Variants in CAB39 observed in about 807,000 individuals in gnomAD.
CAB39 encodes the protein calcium-binding protein 39.
CAB39 carries 8 observed loss-of-function variants against 40.0 expected under a neutral mutation model. That is an observed-to-expected ratio of 0.20 (90% CI 0.12 to 0.36). CAB39 has a LOEUF of 0.36. Ranked by LOEUF, CAB39 falls within the 10% of genes least tolerant of loss-of-function variation. CAB39 has a pLI of 1.00. For missense variants in CAB39, 270 were observed against 401.1 expected (o/e 0.67, Z 2.79); for synonymous variants, 156 against 141.6 (o/e 1.10, Z -0.72).
intron 1 of CAB39, among the ~76,000 whole-genome samples, chr2:230,728,109 C>T (rs1694619274): frequency 6.6e-6 from 1 of 152,062 alleles, no homozygotes; most frequent in Non-Finnish European, 1.5e-5. Flanking sequence ...TGTGGTGGCG[C>T]ACGCCTGTAG....
chr2:230,782,813 C>CTTTCTTTTTTTTTTTTTTT (rs1286339069), intron 2 of CAB39, among the ~76,000 whole-genome samples: 3 of 81,768 alleles, frequency 3.7e-5, no homozygotes, highest in African/African-American at 1.3e-4. Context: ...TTCTTTCTTT[C>CTTTCTTTTTTTTTTTTTTT]TTTTTTTTTT....
chr2:230,767,030 C>G (rs1052150708), intron 2 of CAB39, among the ~76,000 whole-genome samples: 1 of 152,194 alleles, frequency 6.6e-6, no homozygotes, highest in African/African-American at 2.4e-5. Flanking sequence ...TTCAGAGGTA[C>G]AAGAATTACC....
At chr2:230,725,185 C>G in intron 1 of CAB39, 1 of 1,610,562 alleles carries the variant, frequency 6.2e-7, no homozygotes, top group Non-Finnish European at 8.5e-7. Flanking sequence ...AGTCCCGGGA[C>G]TGCTTGGCGC....
At chr2:230,723,493 T>C (rs1433868757) in intron 1 of CAB39, among the ~76,000 whole-genome samples, 1 of 152,126 alleles carries the variant, frequency 6.6e-6, no homozygotes, top group African/African-American at 2.4e-5. Flanking sequence ...CTGCAGTAGG[T>C]GTGTCTTCAT....
chr2:230,714,161 G>A (rs1052446251), intron 1 of CAB39: 2 of 152,192 alleles, frequency 1.3e-5, no homozygotes, highest in African/African-American at 2.4e-5. Context: ...GGGCTAAAGA[G>A]GTATTTTGGG....
intron 5 of CAB39, among the ~76,000 whole-genome samples, chr2:230,804,052 T>TA (rs1434210912): frequency 6.6e-6 from 1 of 152,068 alleles, no homozygotes; most frequent in Admixed American, 6.5e-5. Context: ...AAAACAGAGA[T>TA]ATAGACCAAT....
rs1190677250 is a variant in CAB39 at position 230,791,024 on chromosome 2, C to T, written c.267C>T (p.Leu89=). 6.3e-7 allele frequency: 1 copy of T among 1,584,780 alleles called. No individual in the cohort carries two copies. The highest frequency in any genetic ancestry group is 8.5e-7 in the Non-Finnish European group (1 of 1,170,438). The change falls in exon 3 of 9, where the codon CTC becomes CTT. Residue 89 remains leucine (L), a synonymous_variant. Coordinates refer to ENST00000258418, the MANE Select transcript of CAB39 (RefSeq NM_016289.4). The part of the protein sequence containing the change: ...LLSTLVADLQ[L]IDFEGKKDVA... ...GCACCCTGGTAGCTGATTTACAGCT[C>T]ATTGACTTTGAGGTAAGAAATCAAT...
intron 1 of CAB39, among the ~76,000 whole-genome samples, chr2:230,753,959 C>T (rs973438410): frequency 6.6e-6 from 1 of 152,114 alleles, no homozygotes; most frequent in Non-Finnish European, 1.5e-5. Flanking sequence ...AACCCACACA[C>T]CCACCAACCA....
At chr2:230,786,908 AATTTG>A (rs1255163708) in intron 2 of CAB39, among the ~76,000 whole-genome samples, 211 of 152,282 alleles carry the variant, frequency 1.4e-3, no homozygotes, top group African/African-American at 4.8e-3. Context: ...TGGGTTACTG[AATTTG>A]CATATGGGAT....
intron 1 of CAB39, among the ~76,000 whole-genome samples, chr2:230,718,946 C>T (rs933193681): frequency 6.6e-6 from 1 of 152,148 alleles, no homozygotes; most frequent in Non-Finnish European, 1.5e-5. Context: ...AATTAAGTAT[C>T]ATACTTTATG....
At chr2:230,752,521 A>T (rs1695109195) in intron 1 of CAB39, among the ~76,000 whole-genome samples, 1 of 152,218 alleles carries the variant, frequency 6.6e-6, no homozygotes, top group Non-Finnish European at 1.5e-5. Flanking sequence ...GGCAGAAGAG[A>T]GCAATCCACT....
intron 6 of CAB39, among the ~76,000 whole-genome samples, chr2:230,812,228 G>A (rs576062323): frequency 6.6e-5 from 10 of 152,294 alleles, no homozygotes; most frequent in African/African-American, 1.9e-4. Flanking sequence ...TCTCCTTGGC[G>A]TTCTTAAAGG....
At chr2:230,759,450 G>T (rs1695251176) in intron 1 of CAB39, among the ~76,000 whole-genome samples, 1 of 152,168 alleles carries the variant, frequency 6.6e-6, no homozygotes, top group African/African-American at 2.4e-5. Flanking sequence ...CTATCAATTT[G>T]ATGTACAGTG....
Position 230,818,533 on chromosome 2 carries a change from T to A in CAB39, c.855T>A (p.Pro285=). The A allele has an allele frequency of 3.1e-6, 5 of 1,614,012 alleles. No individual in the cohort carries two copies. Among genetic ancestry groups the A allele is most frequent in the Non-Finnish European group, 4.2e-6 (5 of 1,179,978 alleles). The change falls in exon 9 of 9, where the codon CCT becomes CCA. Residue 285 remains proline, a synonymous_variant. Coordinates refer to ENST00000258418, the MANE Select transcript of CAB39 (RefSeq NM_016289.4). Reference sequence around the variant, plus strand: ...CCACGCAGGTGTTTGTAGCCAATCCTAACAAGACGCAGCCCATCCTAGACA... The same window carrying A: ...CCACGCAGGTGTTTGTAGCCAATCCAAACAAGACGCAGCCCATCCTAGACA... ...FHVFKVFVAN[P]NKTQPILDIL...
At chr2:230,717,617 C>CT (rs768021626) in intron 1 of CAB39, among the ~76,000 whole-genome samples, 51 of 152,324 alleles carry the variant, frequency 3.3e-4, no homozygotes, top group Non-Finnish European at 6.0e-4. Context: ...TGTTCTGCCT[C>CT]TGTTTCTCAG....
chr2:230,803,472 G>C (rs1313032635), intron 5 of CAB39, among the ~76,000 whole-genome samples: 2 of 152,182 alleles, frequency 1.3e-5, no homozygotes, highest in Non-Finnish European at 2.9e-5. Context: ...AATTGTCCCT[G>C]TTTGCAGATG....
At chr2:230,770,529 A>G (rs569424978) in intron 2 of CAB39, among the ~76,000 whole-genome samples, 20 of 152,232 alleles carry the variant, frequency 1.3e-4, no homozygotes, top group Non-Finnish European at 2.6e-4. Context: ...AGGAAGAAAT[A>G]ATACAATTTC....
In CAB39 at chr2:230,819,410, T is replaced by C. The variant is rs1481947724; in HGVS notation, c.*706T>C. ...TTAATTTTACTTTTCAAAGATACTT[T>C]AAAACAGTAGAGCTAGCAATGACAC... On this transcript the variant is annotated 3_prime_UTR_variant, in exon 9 of 9. Transcript: ENST00000258418. 6.5e-6 allele frequency: 1 copy of C among 152,682 alleles called. No individual in the cohort carries two copies. Among genetic ancestry groups the C allele is most frequent in the African/African-American group, 2.4e-5 (1 of 41,480 alleles). 9.5% of individuals were successfully genotyped at this position (152,682 alleles called of 1,614,324 possible). A position where few individuals can be genotyped will look rare whatever the true frequency, so the allele number is the denominator to read the frequency against.
At chr2:230,714,331 A>G (rs1313907919) in intron 1 of CAB39, among the ~76,000 whole-genome samples, 3 of 152,230 alleles carry the variant, frequency 2.0e-5, no homozygotes, top group Non-Finnish European at 2.9e-5. Flanking sequence ...AGGAGTTGAC[A>G]TTCTGTGCCT....
Sources: allele counts gnomAD v4.1 joint callset (sites outside exome capture counted in the v4.1 genomes callset), GRCh38; gene constraint gnomAD v4.1.1; transcripts MANE v1.5; gene names NCBI Gene and HGNC (gene_info 2026-07-23, HGNC 2026-07-21).